Variants in TMC2 observed in about 807,000 individuals in gnomAD.
TMC2 encodes transmembrane channel like 2, also known as transmembrane channel-like protein 2.
TMC2 carries 102 observed loss-of-function variants against 105.9 expected under a neutral mutation model. That is an observed-to-expected ratio of 0.96 (90% CI 0.82 to 1.14). The LOEUF (loss-of-function observed/expected upper bound fraction) is 1.14, where lower values mean the gene tolerates loss of function less well. Among genes scored for constraint, TMC2 ranks in the 50% most tolerant of loss-of-function variants. The probability of loss-of-function intolerance (pLI) is 0.00; values close to 1 mark genes in which losing one functional copy is unlikely to be tolerated. For missense variants in TMC2, 1,093 were observed against 1,134.3 expected, an observed-to-expected ratio of 0.96 and a Z score of 0.52; for synonymous variants, 402 against 422.8, an observed-to-expected ratio of 0.95 and a Z score of 0.60.
At chr20:2,562,573 C>T (rs1277269901) in intron 4 of TMC2, among the ~76,000 whole-genome samples, 4 of 152,270 alleles carry the variant, frequency 2.6e-5, no homozygotes, top group Non-Finnish European at 5.9e-5. Context: ...TGCCACTCGA[C>T]TCCTGTTTTC....
chr20:2,615,111 C>A (rs1424533273), intron 14 of TMC2, among the ~76,000 whole-genome samples: 6 of 151,948 alleles, frequency 3.9e-5, no homozygotes, highest in Non-Finnish European at 5.9e-5. Flanking sequence ...CACTTGAGGT[C>A]AGGAATTCAA....
chr20:2,623,463 C>T (rs534656703), intron 16 of TMC2, among the ~76,000 whole-genome samples: 147 of 151,448 alleles, frequency 9.7e-4, no homozygotes, highest in Non-Finnish European at 1.6e-3. Flanking sequence ...TGCTTGAATC[C>T]GGGGGTGGAG....
chr20:2,579,282 G>A (rs2086170136), intron 6 of TMC2, 55 bp downstream of exon 6: 1 of 1,083,830 alleles, frequency 9.2e-7, no homozygotes, highest in African/African-American at 1.6e-5. Flanking sequence ...CGTTTCCCAA[G>A]AGCTTGGATT....
chr20:2,579,900 C>G, intron 6 of TMC2, 50 bp from the exon 7 acceptor site: 1 of 1,212,374 alleles, frequency 8.2e-7, no homozygotes, highest in Admixed American at 1.7e-5. Context: ...TCAATAGTGT[C>G]CATTTTTTCC....
At chr20:2,632,067 G>C (rs1458813529) in intron 17 of TMC2, among the ~76,000 whole-genome samples, 1 of 150,898 alleles carries the variant, frequency 6.6e-6, no homozygotes, top group Non-Finnish European at 1.5e-5. Flanking sequence ...TGTCACCCAG[G>C]CTAGAGTGCA....
intron 11 of TMC2, among the ~76,000 whole-genome samples, chr20:2,609,040 G>A (rs2207154): frequency 0.24 from 36,385 of 152,102 alleles, 4,610 homozygotes; most frequent in East Asian, 0.36. Context: ...ATGCCTCATA[G>A]CACTATGGCA....
At chr20:2,576,043 A>G (rs2086142140) in intron 5 of TMC2, among the ~76,000 whole-genome samples, 1 of 152,206 alleles carries the variant, frequency 6.6e-6, no homozygotes, top group Non-Finnish European at 1.5e-5. Flanking sequence ...ACAAATATCA[A>G]AGAATGGTGT....
At chr20:2,600,836 A>T (rs1568520025) in intron 10 of TMC2, among the ~76,000 whole-genome samples, 1 of 151,316 alleles carries the variant, frequency 6.6e-6, no homozygotes, top group African/African-American at 2.4e-5. Flanking sequence ...AAAAAAAAAA[A>T]TTTAGCCGGG....
At chr20:2,603,292 C>T (rs1304634609) in intron 11 of TMC2, among the ~76,000 whole-genome samples, 2 of 151,064 alleles carry the variant, frequency 1.3e-5, no homozygotes, top group South Asian at 2.1e-4. Context: ...AAGAGTTTAT[C>T]TTGCATTCAA....
chr20:2,539,990 C>CTTTTTTTTTTTTTTTT (rs57860432), intron 2 of TMC2, among the ~76,000 whole-genome samples: 2 of 115,116 alleles, frequency 1.7e-5, no homozygotes, highest in Admixed American at 9.9e-5. Context: ...CTTTTCTTTT[C>CTTTTTTTTTTTTTTTT]TTTTTTTTTT....
intron 17 of TMC2, among the ~76,000 whole-genome samples, chr20:2,624,997 C>T (rs1374868488): frequency 4.0e-5 from 6 of 149,148 alleles, no homozygotes; most frequent in Non-Finnish European, 7.5e-5. Flanking sequence ...TCACTGTCCC[C>T]CTCAACAACC....
intron 2 of TMC2, among the ~76,000 whole-genome samples, chr20:2,539,066 G>A (rs2085871078): frequency 6.6e-6 from 1 of 152,170 alleles, no homozygotes; most frequent in Non-Finnish European, 1.5e-5. Context: ...GGGACTGGAG[G>A]GCTGCCGCAG....
chr20:2,540,618 G>A lies in TMC2; in HGVS notation c.82+3302G>A, dbSNP rs546122333. Among the ~76,000 whole-genome samples, 10 of 143,416 alleles carry A rather than the reference G, an allele frequency of 7.0e-5. 1 individual carries two copies. The South Asian group carries it at 2.2e-3, about 32-fold the overall frequency. The allele number at this position is 143,416 out of a possible 152,430, so 94.1% of individuals were successfully genotyped here. ...GGAGGTTGCAGTGAGCCTAGATGGT[G>A]CCATTGCACTCCAGCCTGGGCGGCA... is the stretch of plus-strand genomic sequence containing the variant. On this transcript the variant is annotated intron_variant, in intron 2 of 19. Coordinates refer to ENST00000358864, the MANE Select transcript of TMC2 (RefSeq NM_080751.3).
chr20:2,588,251 G>A (rs911402521), intron 7 of TMC2, among the ~76,000 whole-genome samples: 8 of 152,230 alleles, frequency 5.3e-5, no homozygotes, highest in South Asian at 2.1e-4. Context: ...GAGTGTGGCC[G>A]CCATCTGCCA....
rs1363637629 is a variant in TMC2 at position 2,617,112 on chromosome 20, G to A, written c.1981G>A (p.Val661Met). ...FYAPGLVGINVLRLLTSMYFQ... is the reference protein window; with the variant it reads ...FYAPGLVGINMLRLLTSMYFQ... ...TGCTCCAGGCCTGGTGGGCATTAAT[G>A]TGCTGCGCCTGCTGACCTCCATGTA... Residue 661 changes from valine (V) to methionine (M), a missense_variant, in exon 16 of 20, where the codon GTG (valine) becomes ATG (methionine). Val to Met is a conservative substitution (Grantham distance 21). Transcript: ENST00000358864. 1.9e-6 allele frequency: 3 copies of A among 1,614,216 alleles called. No individual in the cohort carries two copies. The highest frequency in any genetic ancestry group is 2.5e-6 in the Non-Finnish European group (3 of 1,180,034).
chr20:2,619,956 G>A (rs2086513060), intron 16 of TMC2, among the ~76,000 whole-genome samples: 1 of 152,288 alleles, frequency 6.6e-6, no homozygotes, highest in African/African-American at 2.4e-5. Context: ...GTACGTGCCT[G>A]TAGTCCCAGC....
At chr20:2,607,837 T>A (rs193026843) in intron 11 of TMC2, among the ~76,000 whole-genome samples, 1 of 152,288 alleles carries the variant, frequency 6.6e-6, no homozygotes, top group African/African-American at 2.4e-5. Context: ...AAAATCATGC[T>A]GTGATGGCCA....
At chr20:2,553,355 T>C (rs1026637709) in intron 2 of TMC2, among the ~76,000 whole-genome samples, 1 of 152,244 alleles carries the variant, frequency 6.6e-6, no homozygotes, top group African/African-American at 2.4e-5. Flanking sequence ...GATCCTGTGA[T>C]TGTTTTTCAT....
chr20:2,569,128 G>A (rs1031651654), intron 4 of TMC2, among the ~76,000 whole-genome samples: 6 of 152,130 alleles, frequency 3.9e-5, no homozygotes, highest in African/African-American at 1.4e-4. Context: ...AGGAGGAGGA[G>A]CCCTGGTCAT....
Sources: allele counts gnomAD v4.1 joint callset (sites outside exome capture counted in the v4.1 genomes callset), GRCh38; gene constraint gnomAD v4.1.1; transcripts MANE v1.5; gene names NCBI Gene and HGNC (gene_info 2026-07-23, HGNC 2026-07-21).